Variants in PEAK1 observed in about 807,000 individuals in gnomAD.
PEAK1 encodes the protein inactive tyrosine-protein kinase PEAK1.
Under a neutral mutation model 124.7 loss-of-function variants are expected in PEAK1, and 54 were observed. The observed-to-expected ratio is 0.43, with a 90% CI of 0.35 to 0.54. The LOEUF (loss-of-function observed/expected upper bound fraction) is 0.54. Among genes scored for constraint, PEAK1 ranks in the 20% least tolerant of loss-of-function variants. The pLI, the probability that PEAK1 is intolerant of heterozygous loss-of-function variation, is 0.01. For synonymous variants in PEAK1, 719 were observed against 760.0 expected, an observed-to-expected ratio of 0.95 and a Z score of 0.89; for missense variants, 2,046 against 2,134.5, an observed-to-expected ratio of 0.96 and a Z score of 0.82.
chr15:77,263,108 G>C (rs1198829463), intron 5 of PEAK1, among the ~76,000 whole-genome samples: 1 of 152,112 alleles, frequency 6.6e-6, no homozygotes, highest in Non-Finnish European at 1.5e-5. Flanking sequence ...AAAGCAGTGC[G>C]TAGAGGGAAA....
At chr15:77,239,374 A>C (rs916511658) in intron 6 of PEAK1, among the ~76,000 whole-genome samples, 1 of 152,210 alleles carries the variant, frequency 6.6e-6, no homozygotes, top group Non-Finnish European at 1.5e-5. Flanking sequence ...ACAGTAGCAG[A>C]AAAACTGCAG....
In PEAK1 at chr15:77,114,582, T is replaced by C; in HGVS notation, c.4815A>G (p.Leu1605=). Residue 1605 remains leucine (L), a synonymous_variant, in exon 10 of 10, where the codon CTA becomes CTG. Coordinates refer to ENST00000682557, the MANE Select transcript of PEAK1 (RefSeq NM_001385026.1). ...CTGGGTTCTCATCAAAGGGGTTGGG[T>C]AGGTGCAGCATCTCATAGATGAGGA... is the stretch of plus-strand genomic sequence containing the variant. ...TGILIYEMLH[L]PNPFDENPEL... is the part of the protein sequence containing the mutation. 6.2e-7 allele frequency: 1 copy of C among 1,614,042 alleles called. No homozygotes were observed. The highest frequency in any genetic ancestry group is 8.5e-7 in the Non-Finnish European group (1 of 1,180,002).
At chr15:77,407,900 T>C (rs28878599) in intron 1 of PEAK1, among the ~76,000 whole-genome samples, 8,142 of 126,044 alleles carry the variant, frequency 0.065, 266 homozygotes, top group South Asian at 0.13. Context: ...TATATATATA[T>C]ACACATATAT....
chr15:77,368,344 C>T (rs1336768243), intron 1 of PEAK1, among the ~76,000 whole-genome samples: 4 of 151,878 alleles, frequency 2.6e-5, no homozygotes, highest in Non-Finnish European at 5.9e-5. Context: ...TATGAAACCC[C>T]GTCTCTACAA....
chr15:77,226,062 T>TATATATATATATATATA (rs2059646102), intron 6 of PEAK1, among the ~76,000 whole-genome samples: 2 of 122,310 alleles, frequency 1.6e-5, no homozygotes, highest in Non-Finnish European at 3.6e-5. Context: ...TATATATATA[T>TATATATATATATATATA]ATATATATAT....
rs373470044 is a variant in PEAK1 at position 77,181,473 on chromosome 15, C to T, written c.454G>A (p.Val152Met). The change falls in exon 7 of 10, where the codon GTG (valine) becomes ATG (methionine). Residue 152 changes from valine to methionine, a missense_variant. Coordinates refer to ENST00000682557, the MANE Select transcript of PEAK1 (RefSeq NM_001385026.1). The stretch of plus-strand genomic sequence containing the variant: ...TCCAAGCCTGCTATCTCCTTTAACA[C>T]TTCAGTTAGTCCATTATTGTTATCT... ...MSDNNNGLTE[V>M]LKEIAGLDTA... is the part of the protein sequence containing the mutation. The T allele has an allele frequency of 5.0e-6, 8 of 1,614,154 alleles. No homozygotes were observed. The Admixed American group carries it at 1.3e-4, about 27-fold the overall frequency.
intron 2 of PEAK1, among the ~76,000 whole-genome samples, chr15:77,318,647 A>G (rs1375790781): frequency 2.6e-5 from 4 of 152,046 alleles, no homozygotes; most frequent in Non-Finnish European, 5.9e-5. Flanking sequence ...ATAATTTATT[A>G]GTCATAAATT....
intron 7 of PEAK1, among the ~76,000 whole-genome samples, chr15:77,168,777 G>T (rs1165304140): frequency 6.6e-6 from 1 of 152,224 alleles, no homozygotes; most frequent in East Asian, 1.9e-4. Context: ...AGAAAGGTAT[G>T]TCAAATTCAG....
Position 77,179,487 on chromosome 15 carries a change from G to C in PEAK1, c.2440C>G (p.Pro814Ala), listed in dbSNP as rs1472171174. The C allele has an allele frequency of 3.1e-6, 5 of 1,614,116 alleles. No individual in the cohort carries two copies. The highest frequency in any genetic ancestry group is 4.2e-6 in the Non-Finnish European group (5 of 1,180,020). Residue 814 changes from proline to alanine, a missense_variant, in exon 7 of 10, where the codon CCA becomes GCA. By Grantham distance (27) the Pro-to-Ala change is conservative (BLOSUM62 -1). Transcript: ENST00000682557. ...GTAAAGAGAGATTTGGGCCGGACTG[G>C]CGTACTCTTAGGTGTGCTCTTAGCA... ...DVAKSTPKSTPVRPKSLFTSQ... is the reference protein window; with the variant it reads ...DVAKSTPKSTAVRPKSLFTSQ...
intron 1 of PEAK1, chr15:77,401,668 C>T (rs1344535164): frequency 1.0e-5 from 10 of 984,940 alleles, no homozygotes; most frequent in Non-Finnish European, 1.1e-5. Context: ...GACATTGCCA[C>T]GAAAGAACTC....
In PEAK1 at chr15:77,320,901, C is replaced by G. The variant is rs1218209316; in HGVS notation, c.-602-34397G>C. ...TTCAATTCCCACCTATGAGTGAGAG[C>G]ATGCGGTGTTTGGTTTTTTGTCCTT... On this transcript the variant is annotated intron_variant, in intron 2 of 9. Transcript: ENST00000682557. 2.0e-5 allele frequency among the ~76,000 whole-genome samples: 3 copies of G among 151,892 alleles called. No individual in the cohort carries two copies. In the East Asian group the frequency reaches 5.8e-4, roughly 29 times the overall value.
rs749842778 is a variant in PEAK1 at position 77,181,459 on chromosome 15, T to G, written c.468A>C (p.Ile156=). The change falls in exon 7 of 10, where the codon ATA becomes ATC. Residue 156 remains isoleucine (I), a synonymous_variant. Transcript: ENST00000682557. ...NNGLTEVLKE[I]AGLDTAPQIR... ...TCTGAGGGGCAGTATCCAAGCCTGC[T>G]ATCTCCTTTAACACTTCAGTTAGTC... 3.7e-6 allele frequency: 6 copies of G among 1,614,212 alleles called. No individual in the cohort carries two copies. Among genetic ancestry groups the G allele is most frequent in the Non-Finnish European group, 8.5e-7 (1 of 1,180,034 alleles).
intron 5 of PEAK1, among the ~76,000 whole-genome samples, chr15:77,258,844 A>G (rs990238436): frequency 5.9e-5 from 9 of 152,064 alleles, no homozygotes. Context: ...CCCATTCAGT[A>G]TGATGTTGGC....
rs189557276 is a variant in PEAK1, at chr15:77,406,945, G to A, written c.-666+13061C>T. Among the ~76,000 whole-genome samples, 18 of 152,290 alleles carry A rather than the reference G, an allele frequency of 1.2e-4. 2 individuals carry two copies. Among genetic ancestry groups the A allele is most frequent in the Admixed American group, 9.2e-4 (14 of 15,300 alleles). The stretch of plus-strand genomic sequence containing the variant: ...ATAGGCACGTAGACCAATTTGAACA[G>A]AACAGAGAACCAAGAAATAAAGCCA... On this transcript the variant is annotated intron_variant, in intron 1 of 9. Transcript: ENST00000682557.
At chr15:77,195,610 T>C (rs2058063869) in intron 6 of PEAK1, among the ~76,000 whole-genome samples, 1 of 152,220 alleles carries the variant, frequency 6.6e-6, no homozygotes, top group Non-Finnish European at 1.5e-5. Context: ...CTGATGTGTG[T>C]AACCTTAGAT....
chr15:77,403,940 A>C, intron 1 of PEAK1: 8 of 972,964 alleles, frequency 8.2e-6, no homozygotes, highest in Non-Finnish European at 9.8e-6. Flanking sequence ...ATACATTTAC[A>C]AGTTTGTTGC....
chr15:77,259,329 C>G (rs921868464), intron 5 of PEAK1, among the ~76,000 whole-genome samples: 4 of 152,044 alleles, frequency 2.6e-5, no homozygotes, highest in Admixed American at 2.6e-4. Flanking sequence ...AAATTAGTAT[C>G]TCATAATAGA....
chr15:77,311,723 G>A (rs1390596322), intron 2 of PEAK1, among the ~76,000 whole-genome samples: 2 of 145,960 alleles, frequency 1.4e-5, no homozygotes, highest in African/African-American at 5.0e-5. Context: ...GAAAACTAAA[G>A]GCAGAAGTTG....
At chr15:77,234,713 G>A (rs929058912) in intron 6 of PEAK1, among the ~76,000 whole-genome samples, 2 of 151,866 alleles carry the variant, frequency 1.3e-5, no homozygotes, top group Non-Finnish European at 2.9e-5. Context: ...ATAGCTCACT[G>A]CAGACTTGAA....
Sources: allele counts gnomAD v4.1 joint callset (sites outside exome capture counted in the v4.1 genomes callset), GRCh38; gene constraint gnomAD v4.1.1; transcripts MANE v1.5; gene names NCBI Gene and HGNC (gene_info 2026-07-23, HGNC 2026-07-21).